NELL2: variants seen among roughly 807,000 people sequenced by gnomAD.
The protein encoded by NELL2 is protein kinase C-binding protein NELL2.
In NELL2, 41 loss-of-function variants were observed where a neutral mutation model predicts 109.6. The observed-to-expected ratio is 0.37, with a 90% confidence interval of 0.29 to 0.49. The LOEUF is 0.49. NELL2 is among the 20% of genes least tolerant of loss of function. The probability of loss-of-function intolerance (pLI) is 0.98; values close to 1 mark genes in which losing one functional copy is unlikely to be tolerated. For synonymous variants in NELL2, 355 were observed against 344.7 expected (o/e 1.03, Z -0.33); for missense variants, 900 against 1,008.3 (o/e 0.89, Z 1.45).
chr12:44,723,055 G>T (rs184788376), intron 9 of NELL2, among the ~76,000 whole-genome samples: 202 of 152,218 alleles, frequency 1.3e-3, no homozygotes, highest in Non-Finnish European at 2.3e-3. Flanking sequence ...CGGTCATGGT[G>T]GTGGGCGCCT....
chr12:44,855,016 T>C (rs1354841403), intron 2 of NELL2, among the ~76,000 whole-genome samples: 1 of 152,170 alleles, frequency 6.6e-6, no homozygotes, highest in Non-Finnish European at 1.5e-5. Context: ...ATAATATATT[T>C]CTTTAACCCA....
intron 2 of NELL2, among the ~76,000 whole-genome samples, chr12:44,839,579 C>A (rs1944158461): frequency 6.6e-6 from 1 of 152,138 alleles, no homozygotes; most frequent in South Asian, 2.1e-4. Context: ...CAGTTTTATG[C>A]AGAAATACTA....
At chr12:44,675,824 A>G (rs925914410) in intron 12 of NELL2, among the ~76,000 whole-genome samples, 3 of 152,124 alleles carry the variant, frequency 2.0e-5, no homozygotes, top group African/African-American at 7.2e-5. Context: ...AGGCTTATAT[A>G]GTTAATGAGT....
At chr12:44,604,634 T>G (rs1232149338) in intron 15 of NELL2, among the ~76,000 whole-genome samples, 1 of 152,144 alleles carries the variant, frequency 6.6e-6, no homozygotes, top group Non-Finnish European at 1.5e-5. Flanking sequence ...CCTCATGAGA[T>G]TCACTGCCTG....
intron 3 of NELL2, among the ~76,000 whole-genome samples, chr12:44,799,658 T>C (rs1484896257): frequency 1.3e-5 from 2 of 152,136 alleles, no homozygotes; most frequent in African/African-American, 4.8e-5. Context: ...AATTAAGAGT[T>C]TGTTCATTTA....
intron 1 of NELL2, among the ~76,000 whole-genome samples, chr12:44,892,715 G>A (rs1043863142): frequency 2.7e-5 from 4 of 149,038 alleles, no homozygotes; most frequent in Non-Finnish European, 5.9e-5. Flanking sequence ...GGAGAATGGC[G>A]TGAACCCGGG....
chr12:44,635,552 A>G (rs138022333), intron 13 of NELL2, among the ~76,000 whole-genome samples: 12,475 of 152,144 alleles, frequency 0.082, 601 homozygotes, highest in Non-Finnish European at 0.1. Context: ...TCCTTTCCCC[A>G]TTGCTTGTTT....
intron 13 of NELL2, among the ~76,000 whole-genome samples, chr12:44,623,822 T>C (rs1592225090): frequency 6.6e-6 from 1 of 152,162 alleles, no homozygotes; most frequent in Non-Finnish European, 1.5e-5. Context: ...GACCAGAAGA[T>C]GTGTAGCTTA....
In NELL2 at chr12:44,508,938, A is replaced by G. The variant is rs781754699; in HGVS notation, c.2447T>C (p.Leu816Pro). 3.1e-6 allele frequency: 5 copies of G among 1,611,776 alleles called. No homozygotes were observed. The highest frequency in any genetic ancestry group is 1.1e-5 in the South Asian group (1 of 90,802). Residue 816 changes from leucine to proline, a missense_variant, in exon 20 of 20, where the codon CTG (leucine) becomes CCG (proline). Physicochemically the swap from Leu to Pro is moderately conservative, Grantham distance 98. This residue lies in a region of NELL2 where 333 missense variants were observed against 432.3 expected (regional missense o/e 0.77). Transcript: ENST00000429094. Reference protein sequence around the residue: ...CSVDPQCLQEL With the variant: ...CSVDPQCLQEP Reference sequence around the variant, plus strand: ...TCTCCCATGAGACAGTTAACTTCACAGTTCCTGAAGGCACTGTGGATCCAC... The same window carrying G: ...TCTCCCATGAGACAGTTAACTTCACGGTTCCTGAAGGCACTGTGGATCCAC...
chr12:44,539,012 C>A (rs1942422109), intron 15 of NELL2, among the ~76,000 whole-genome samples: 1 of 152,088 alleles, frequency 6.6e-6, no homozygotes, highest in African/African-American at 2.4e-5. Context: ...ATCTATCTGT[C>A]CCATACTAAA....
chr12:44,699,220 G>C (rs17574492), intron 12 of NELL2, among the ~76,000 whole-genome samples: 11,274 of 152,146 alleles, frequency 0.074, 483 homozygotes, highest in Non-Finnish European at 0.091. Context: ...GAAATCTATA[G>C]GAGGTGAGAT....
intron 12 of NELL2, among the ~76,000 whole-genome samples, chr12:44,681,341 G>A (rs1291742439): frequency 1.4e-5 from 2 of 148,044 alleles, no homozygotes. Context: ...ACTTTTAAGA[G>A]CTTCTTAAAA....
intron 2 of NELL2, among the ~76,000 whole-genome samples, chr12:44,820,777 G>C (rs1029296509): frequency 1.3e-5 from 2 of 152,110 alleles, no homozygotes; most frequent in Non-Finnish European, 2.9e-5. Context: ...GTACCCAAAT[G>C]GGATTTCAGT....
At chr12:44,592,286 T>G (rs1944781356) in intron 15 of NELL2, among the ~76,000 whole-genome samples, 1 of 152,178 alleles carries the variant, frequency 6.6e-6, no homozygotes, top group Non-Finnish European at 1.5e-5. Context: ...TGGTAAGTTT[T>G]CAGTAATGAC....
chr12:44,843,157 G>C (rs1001989451), intron 2 of NELL2, among the ~76,000 whole-genome samples: 2 of 150,956 alleles, frequency 1.3e-5, no homozygotes, highest in African/African-American at 4.9e-5. Flanking sequence ...GGGAAGGGGA[G>C]AGGTAACTTG....
upstream of NELL2, chr12:44,880,878 T>A (rs1267351313): frequency 6.6e-6 from 1 of 151,890 alleles, no homozygotes; most frequent in African/African-American, 2.4e-5. Flanking sequence ...TTTTGGCTAG[T>A]CAACTGAAGC....
At chr12:44,732,406 C>T (rs1939417379) in intron 9 of NELL2, among the ~76,000 whole-genome samples, 1 of 151,912 alleles carries the variant, frequency 6.6e-6, no homozygotes, top group Non-Finnish European at 1.5e-5. Flanking sequence ...AATAAACTCA[C>T]TTACATACAG....
chr12:44,855,605 A>G (rs1944661366), intron 2 of NELL2, among the ~76,000 whole-genome samples: 1 of 152,214 alleles, frequency 6.6e-6, no homozygotes, highest in African/African-American at 2.4e-5. Flanking sequence ...GCTTATTTGC[A>G]ATAATGGAGA....
intron 15 of NELL2, among the ~76,000 whole-genome samples, chr12:44,602,346 C>T (rs1945250713): frequency 6.6e-6 from 1 of 152,084 alleles, no homozygotes; most frequent in African/African-American, 2.4e-5. Context: ...CTTTGCAGAT[C>T]TTCCCTTGTA....
Sources: gnomAD v4.1 joint callset for allele counts (sites outside exome capture counted in the v4.1 genomes callset) on GRCh38, gnomAD v4.1.1 for gene constraint, gnomAD v4.1.1 regional missense constraint, MANE v1.5 for transcripts, NCBI Gene and HGNC (gene_info 2026-07-23, HGNC 2026-07-21) for gene names.